The following MCU variants were observed in gnomAD, a reference collection of about 807,000 sequenced individuals.
The protein encoded by MCU is calcium uniporter protein, mitochondrial.
A neutral mutation model predicts 45.2 loss-of-function variants in MCU; 12 were observed. That is an observed-to-expected ratio of 0.27 (90% CI 0.17 to 0.43). MCU has a LOEUF of 0.43. Among genes scored for constraint, MCU ranks in the 20% least tolerant of loss-of-function variants. MCU has a pLI of 1.00. For synonymous variants in MCU, 160 were observed against 165.1 expected (o/e 0.97, Z 0.24); for missense variants, 324 against 436.7 (o/e 0.74, Z 2.30).
At chr10:72,782,613 C>G (rs1052345884) in intron 1 of MCU, among the ~76,000 whole-genome samples, 4 of 152,218 alleles carry the variant, frequency 2.6e-5, no homozygotes, top group Admixed American at 6.5e-5. Context: ...CTCAGGCTAC[C>G]CGCCTTGGCC....
At chr10:72,768,885 T>TCCTTTTTTTTGAGATGGGAGTCTCACC in intron 1 of MCU, among the ~76,000 whole-genome samples, 1 of 152,330 alleles carries the variant, frequency 6.6e-6, no homozygotes, top group East Asian at 1.9e-4. Context: ...GTCTTCTTGC[T>TCCTTTTTTTTGAGATGGGAGTCTCACC]CTGTTGCCCA....
At chr10:72,696,185 AT>A (rs1554818423) in intron 1 of MCU, among the ~76,000 whole-genome samples, 98 of 109,998 alleles carry the variant, frequency 8.9e-4, no homozygotes, top group Middle Eastern at 5.7e-3. Context: ...AAAAAAAAAA[AT>A]TTTTTTTTTT....
chr10:72,876,953 ACT>A (rs1845627009), intron 6 of MCU, among the ~76,000 whole-genome samples: 1 of 122,790 alleles, frequency 8.1e-6, no homozygotes, highest in African/African-American at 2.9e-5. Flanking sequence ...ACAGGGTTTT[ACT>A]CTGTCTCCTA....
chr10:72,743,566 G>A (rs572819004), intron 1 of MCU, among the ~76,000 whole-genome samples: 2 of 152,008 alleles, frequency 1.3e-5, no homozygotes, highest in South Asian at 2.1e-4. Flanking sequence ...ATTATTAGAA[G>A]CATTTTTTTT....
chr10:72,771,987 A>G (rs2132737915), intron 1 of MCU, among the ~76,000 whole-genome samples: 1 of 152,340 alleles, frequency 6.6e-6, no homozygotes, highest in East Asian at 1.9e-4. Flanking sequence ...CTACACTGGA[A>G]ACAGTGAGGC....
At chr10:72,846,530 G>C (rs1657802678) in intron 2 of MCU, among the ~76,000 whole-genome samples, 1 of 152,170 alleles carries the variant, frequency 6.6e-6, no homozygotes, top group Non-Finnish European at 1.5e-5. Context: ...TACTGCAGCA[G>C]TTGTGGTCAA....
intron 2 of MCU, among the ~76,000 whole-genome samples, chr10:72,843,127 C>T (rs1303255277): frequency 6.6e-6 from 1 of 152,128 alleles, no homozygotes; most frequent in Non-Finnish European, 1.5e-5. Context: ...TTTGTTGTAA[C>T]TGATGAGCCT....
intron 1 of MCU, among the ~76,000 whole-genome samples, chr10:72,831,657 G>T (rs1175096388): frequency 2.6e-5 from 4 of 152,128 alleles, no homozygotes; most frequent in African/African-American, 9.7e-5. Context: ...TTAAATGTAT[G>T]GGGGGAAAAT....
At chr10:72,851,517 G>A (rs2132857458) in intron 2 of MCU, among the ~76,000 whole-genome samples, 1 of 152,252 alleles carries the variant, frequency 6.6e-6, no homozygotes, top group South Asian at 2.1e-4. Context: ...GTGGGCAGGG[G>A]GCTAAGGGAA....
intron 1 of MCU, among the ~76,000 whole-genome samples, chr10:72,745,539 A>G (rs1843402862): frequency 6.6e-6 from 1 of 152,090 alleles, no homozygotes; most frequent in African/African-American, 2.4e-5. Flanking sequence ...ACTATTTGGT[A>G]TTTTATACAT....
intron 1 of MCU, among the ~76,000 whole-genome samples, chr10:72,753,751 C>T (rs1330104184): frequency 1.3e-5 from 2 of 151,942 alleles, no homozygotes; most frequent in South Asian, 2.1e-4. Context: ...TGGTGGCATG[C>T]GCTTCTGGAC....
At chr10:72,753,818 G>T (rs1843535680) in intron 1 of MCU, among the ~76,000 whole-genome samples, 2 of 152,052 alleles carry the variant, frequency 1.3e-5, no homozygotes, top group Non-Finnish European at 1.5e-5. Context: ...GATTGAGATT[G>T]CAGTGATCTG....
chr10:72,778,920 C>T (rs1843943748), intron 1 of MCU, among the ~76,000 whole-genome samples: 1 of 151,900 alleles, frequency 6.6e-6, no homozygotes, highest in African/African-American at 2.4e-5. Flanking sequence ...CAGTGTGGAG[C>T]CTGCATAAGG....
At chr10:72,712,062 T>C (rs56374505) in intron 1 of MCU, among the ~76,000 whole-genome samples, 6,377 of 152,102 alleles carry the variant, frequency 0.042, 431 homozygotes, top group African/African-American at 0.14. Context: ...AAAAAACTTA[T>C]TTAGTTGATA....
At chr10:72,876,544 TTG>T (rs1172507663) in intron 6 of MCU, among the ~76,000 whole-genome samples, 1 of 152,218 alleles carries the variant, frequency 6.6e-6, no homozygotes, top group African/African-American at 2.4e-5. Context: ...GGGCCACTGC[TTG>T]TGTTTTTAAT....
intron 1 of MCU, among the ~76,000 whole-genome samples, chr10:72,799,706 T>C (rs189120960): frequency 6.6e-6 from 1 of 151,460 alleles, no homozygotes; most frequent in East Asian, 1.9e-4. Context: ...TCTCATCTGA[T>C]AGAAAAAAAA....
intron 7 of MCU, among the ~76,000 whole-genome samples, chr10:72,884,927 G>C (rs996733550): frequency 1.3e-5 from 2 of 152,120 alleles, no homozygotes; most frequent in African/African-American, 4.8e-5. Flanking sequence ...CCCTCACTCT[G>C]TTATCTTTGA....
intron 1 of MCU, among the ~76,000 whole-genome samples, chr10:72,760,099 T>C (rs1843633635): frequency 6.6e-6 from 1 of 151,844 alleles, no homozygotes; most frequent in Non-Finnish European, 1.5e-5. Flanking sequence ...GGCTAGAGTG[T>C]AGTTGCGTGA....
At chr10:72,747,249 C>T (rs1564545495) in intron 1 of MCU, among the ~76,000 whole-genome samples, 1 of 152,172 alleles carries the variant, frequency 6.6e-6, no homozygotes, top group Non-Finnish European at 1.5e-5. Flanking sequence ...TCAGGGATCA[C>T]ACAATGTCTA....
Sources: gnomAD v4.1 joint callset for allele counts (sites outside exome capture counted in the v4.1 genomes callset) on GRCh38, gnomAD v4.1.1 for gene constraint, MANE v1.5 for transcripts, NCBI Gene and HGNC (gene_info 2026-07-23, HGNC 2026-07-21) for gene names.